RSU1: variants seen among roughly 807,000 people sequenced by gnomAD.
The protein encoded by RSU1 is rsu-1.
Under a neutral mutation model 31.1 loss-of-function variants are expected in RSU1, and 26 were observed. The observed-to-expected ratio is 0.84, with a 90% CI of 0.61 to 1.16. The LOEUF (loss-of-function observed/expected upper bound fraction) is 1.16. Ranked by LOEUF, RSU1 falls within the 50% of genes most tolerant of loss-of-function variation. The pLI is 0.00. For synonymous variants in RSU1, 164 were observed against 136.3 expected, an observed-to-expected ratio of 1.20 and a Z score of -1.41; for missense variants, 320 against 339.1, an observed-to-expected ratio of 0.94 and a Z score of 0.44.
intron 4 of RSU1, among the ~76,000 whole-genome samples, chr10:16,762,548 T>C (rs1195807186): frequency 6.6e-6 from 1 of 151,216 alleles, no homozygotes; most frequent in Admixed American, 6.6e-5. Context: ...TCAAGCGATG[T>C]TCCTCCCTCC....
chr10:16,741,430 G>A (rs1046603457), intron 7 of RSU1, among the ~76,000 whole-genome samples: 3 of 152,124 alleles, frequency 2.0e-5, no homozygotes, highest in East Asian at 1.9e-4. Flanking sequence ...GGTAACAAAC[G>A]ATGTTCTAAA....
intron 7 of RSU1, among the ~76,000 whole-genome samples, chr10:16,699,486 A>G (rs1835743578): frequency 1.3e-5 from 2 of 152,240 alleles, no homozygotes; most frequent in South Asian, 2.1e-4. Flanking sequence ...TGTCGGAGGT[A>G]GGTTCCCTTT....
chr10:16,806,098 T>A (rs1347463841), intron 2 of RSU1, among the ~76,000 whole-genome samples: 1 of 152,174 alleles, frequency 6.6e-6, no homozygotes, highest in Non-Finnish European at 1.5e-5. Flanking sequence ...TCAATAAGGT[T>A]TTTTGGAATA....
chr10:16,807,798 C>T (rs11254208), intron 2 of RSU1, among the ~76,000 whole-genome samples: 5,263 of 151,672 alleles, frequency 0.035, 119 homozygotes, highest in Non-Finnish European at 0.051. Flanking sequence ...CTGAGGCAGG[C>T]GGATCATGAT....
intron 7 of RSU1, among the ~76,000 whole-genome samples, chr10:16,733,333 T>TTA (rs1564337218): frequency 1.3e-5 from 1 of 79,642 alleles, no homozygotes; most frequent in Non-Finnish European, 2.4e-5. Context: ...TCTACGACAA[T>TTA]AAAAAAAAAA....
intron 8 of RSU1, among the ~76,000 whole-genome samples, chr10:16,627,192 G>A (rs1212117427): frequency 6.6e-6 from 1 of 152,168 alleles, no homozygotes; most frequent in Non-Finnish European, 1.5e-5. Context: ...GGATTTCTAT[G>A]CACAGATGCA....
chr10:16,677,114 G>A (rs1835249112), intron 8 of RSU1, among the ~76,000 whole-genome samples: 1 of 152,178 alleles, frequency 6.6e-6, no homozygotes, highest in South Asian at 2.1e-4. Context: ...GCTTCCCTTT[G>A]AGGGTATCAA....
At position 16,591,403 on chromosome 10, in the gene RSU1, A is replaced by C. The variant is rs1833502415; in HGVS notation, c.*1991T>G. The stretch of plus-strand genomic sequence containing the variant: ...TCCTCAGGATACATTCCTAGAAATA[A>C]AAATTCTGGGCCCCAGTACACAATC... On this transcript the variant is annotated 3_prime_UTR_variant, in exon 9 of 9. Transcript: ENST00000345264. The C allele has an allele frequency of 1.3e-5, 2 of 152,202 alleles. No individual in the cohort carries two copies. The highest frequency in any genetic ancestry group is 2.9e-5 in the Non-Finnish European group (2 of 68,046). The allele number at this position is 152,202 out of a possible 1,614,324, so 9.4% of individuals were successfully genotyped here.
chr10:16,726,129 T>C (rs577942010), intron 7 of RSU1, among the ~76,000 whole-genome samples: 5 of 152,080 alleles, frequency 3.3e-5, no homozygotes, highest in Non-Finnish European at 7.3e-5. Flanking sequence ...TGGACTCACA[T>C]AGTAAAAGTT....
At chr10:16,711,428 T>C (rs900987970) in intron 7 of RSU1, among the ~76,000 whole-genome samples, 1 of 152,200 alleles carries the variant, frequency 6.6e-6, no homozygotes, top group African/African-American at 2.4e-5. Context: ...CTTCTATCAA[T>C]TTTGGGTTCA....
At chr10:16,621,009 G>A (rs982122427) in intron 8 of RSU1, among the ~76,000 whole-genome samples, 8 of 152,166 alleles carry the variant, frequency 5.3e-5, no homozygotes, top group East Asian at 1.9e-4. Flanking sequence ...TTCAATCTGC[G>A]TACTTAACCA....
intron 8 of RSU1, among the ~76,000 whole-genome samples, chr10:16,628,894 C>T (rs867298233): frequency 6.6e-6 from 1 of 152,114 alleles, no homozygotes; most frequent in African/African-American, 2.4e-5. Context: ...AAAATTCTCC[C>T]TCAACCACAC....
intron 8 of RSU1, among the ~76,000 whole-genome samples, chr10:16,692,420 A>C (rs1209810716): frequency 2.0e-5 from 3 of 152,242 alleles, no homozygotes; most frequent in African/African-American, 7.2e-5. Flanking sequence ...AAAGTGATCT[A>C]TGGAAAACTA....
At chr10:16,674,517 A>G (rs1835186423) in intron 8 of RSU1, among the ~76,000 whole-genome samples, 1 of 151,946 alleles carries the variant, frequency 6.6e-6, no homozygotes, top group Admixed American at 6.6e-5. Context: ...GGTGCCAGGC[A>G]ATGTCTGAAG....
intron 8 of RSU1, among the ~76,000 whole-genome samples, chr10:16,621,525 T>A (rs1261026656): frequency 1.3e-5 from 2 of 152,158 alleles, no homozygotes; most frequent in Admixed American, 1.3e-4. Flanking sequence ...CTCACACTGC[T>A]AAGAAAGACA....
At chr10:16,713,981 T>C (rs1468635745) in intron 7 of RSU1, among the ~76,000 whole-genome samples, 1 of 152,204 alleles carries the variant, frequency 6.6e-6, no homozygotes, top group Admixed American at 6.5e-5. Context: ...ATTGCCTCAA[T>C]GGCCTATGCT....
intron 8 of RSU1, among the ~76,000 whole-genome samples, chr10:16,631,051 T>C (rs1481029641): frequency 1.3e-5 from 2 of 152,164 alleles, no homozygotes; most frequent in African/African-American, 4.8e-5. Context: ...TATTTTATGG[T>C]TTTTCATTTT....
At chr10:16,606,415 T>C (rs985780518) in intron 8 of RSU1, among the ~76,000 whole-genome samples, 1 of 152,258 alleles carries the variant, frequency 6.6e-6, no homozygotes, top group Non-Finnish European at 1.5e-5. Context: ...CAGGTACAAC[T>C]CACCAGGCCC....
intron 7 of RSU1, among the ~76,000 whole-genome samples, chr10:16,726,184 C>T (rs1316993085): frequency 6.6e-6 from 1 of 151,694 alleles, no homozygotes; most frequent in Non-Finnish European, 1.5e-5. Flanking sequence ...TTCAAATTTA[C>T]ATTTAAAAAT....
Sources: gnomAD v4.1 joint callset for allele counts (sites outside exome capture counted in the v4.1 genomes callset) on GRCh38, gnomAD v4.1.1 for gene constraint, MANE v1.5 for transcripts, NCBI Gene and HGNC (gene_info 2026-07-23, HGNC 2026-07-21) for gene names.